The following KMT2C variants were observed in gnomAD, a reference collection of about 807,000 sequenced individuals.
The protein encoded by KMT2C is lysine methyltransferase 2C, also known as histone-lysine N-methyltransferase 2C.
Under a neutral mutation model 507.9 loss-of-function variants are expected in KMT2C, and 88 were observed. That is an observed-to-expected ratio of 0.17 (90% confidence interval 0.15 to 0.21). The LOEUF is 0.21. Among genes scored for constraint, KMT2C ranks in the 10% least tolerant of loss-of-function variants. The pLI is 1.00. For missense variants in KMT2C, 4,954 were observed against 5,957.8 expected, an observed-to-expected ratio of 0.83 and a Z score of 5.55; for synonymous variants, 2,049 against 2,080.8, an observed-to-expected ratio of 0.98 and a Z score of 0.42.
chr7:152,379,858 G>A (rs1353020649), intron 1 of KMT2C, among the ~76,000 whole-genome samples: 1 of 152,310 alleles, frequency 6.6e-6, no homozygotes, highest in Non-Finnish European at 1.5e-5. Flanking sequence ...CACTTTAGGA[G>A]GCTGTAATGG....
In KMT2C at chr7:152,154,020, G is replaced by A. The variant is rs1470835588; in HGVS notation, c.12266C>T (p.Thr4089Ile). 4 of 1,613,760 alleles carry A rather than the reference G, an allele frequency of 2.5e-6. No homozygotes were observed. Among genetic ancestry groups the A allele is most frequent in the Non-Finnish European group, 3.4e-6 (4 of 1,179,868 alleles). ...LISVAITLHP[T>I]AAENISSVVA... is the part of the protein sequence containing the mutation. ...CATTTAATCTTTTACCTCAGCAGCTGTAGGATGCAGAGTAATTGCTACAGA... is the reference window on the plus strand; with the variant it reads ...CATTTAATCTTTTACCTCAGCAGCTATAGGATGCAGAGTAATTGCTACAGA... Residue 4089 changes from threonine to isoleucine, a missense_variant, in exon 48 of 59, where the codon ACA becomes ATA. Thr to Ile is a moderately conservative substitution (Grantham distance 89). Coordinates refer to ENST00000262189, the MANE Select transcript of KMT2C (RefSeq NM_170606.3).
At chr7:152,270,769 C>G (rs900254842) in intron 7 of KMT2C, among the ~76,000 whole-genome samples, 7 of 152,128 alleles carry the variant, frequency 4.6e-5, no homozygotes, top group Non-Finnish European at 8.8e-5. Flanking sequence ...GTTAATGTAT[C>G]CTTGTATCAT....
At chr7:152,282,845 A>ATT (rs929867658) in intron 6 of KMT2C, among the ~76,000 whole-genome samples, 7 of 152,028 alleles carry the variant, frequency 4.6e-5, no homozygotes, top group African/African-American at 7.2e-5. Flanking sequence ...TTTATATATA[A>ATT]TTCTTCAACA....
At chr7:152,356,897 G>GAATAAT (rs55935930) in intron 2 of KMT2C, among the ~76,000 whole-genome samples, 14,026 of 138,140 alleles carry the variant, frequency 0.1, 731 homozygotes, top group African/African-American at 0.12. Flanking sequence ...AACTCAAAAA[G>GAATAAT]AATAATAATA....
intron 50 of KMT2C, 120 bp from the exon 51 acceptor site, chr7:152,151,127 G>A (rs2091584941): frequency 1.5e-6 from 1 of 662,946 alleles, no homozygotes; most frequent in South Asian, 2.1e-5. Flanking sequence ...CTTAATAGTA[G>A]AAAGGAAACT....
In KMT2C at chr7:152,240,600, A is replaced by G. The variant is rs375455091; in HGVS notation, c.2533-1774T>C. On this transcript the variant is annotated intron_variant, in intron 14 of 58. Transcript: ENST00000262189. ...CTTAGCATTTCCATTTTCTCACACA[A>G]AACCCCTCTTAAGTTTGCCATGTTT... Among the ~76,000 whole-genome samples, 309 of 152,398 alleles carry G rather than the reference A, an allele frequency of 2.0e-3. No individual in the cohort carries two copies. In the East Asian group the frequency reaches 0.051, roughly 25 times the overall value.
intron 2 of KMT2C, 118 bp downstream of exon 2, chr7:152,358,469 G>C (rs866358271): frequency 1.7e-5 from 10 of 600,350 alleles, no homozygotes; most frequent in Middle Eastern, 2.9e-4. Context: ...GGGAAACTTA[G>C]AGTTCAGTAT....
chr7:152,173,296 A>C (rs2093048157), intron 39 of KMT2C, among the ~76,000 whole-genome samples: 1 of 152,180 alleles, frequency 6.6e-6, no homozygotes, highest in Admixed American at 6.5e-5. Flanking sequence ...TTTATATAAA[A>C]GTTTTTCAAC....
chr7:152,385,611 C>CAAAAAAAAAAAAAAAAA (rs1160527130), intron 1 of KMT2C, among the ~76,000 whole-genome samples: 4 of 19,442 alleles, frequency 2.1e-4, no homozygotes, highest in Non-Finnish European at 1.4e-4. Flanking sequence ...GACTCCGTCT[C>CAAAAAAAAAAAAAAAAA]AAAAAAAAAA....
intron 6 of KMT2C, among the ~76,000 whole-genome samples, chr7:152,304,903 G>A (rs1267888906): frequency 6.6e-6 from 1 of 152,054 alleles, no homozygotes; most frequent in East Asian, 1.9e-4. Flanking sequence ...TAGCTATATC[G>A]CCCCTAGGGA....
intron 2 of KMT2C, among the ~76,000 whole-genome samples, chr7:152,339,673 G>A (rs2096972015): frequency 1.3e-5 from 2 of 152,098 alleles, no homozygotes; most frequent in African/African-American, 4.8e-5. Context: ...AAGAACCCCT[G>A]TTCTGTATGT....
intron 18 of KMT2C, among the ~76,000 whole-genome samples, chr7:152,226,704 A>G (rs974875192): frequency 1.3e-5 from 2 of 152,214 alleles, no homozygotes; most frequent in African/African-American, 4.8e-5. Flanking sequence ...TAGCCAGCAA[A>G]CATTTCCAAT....
chr7:152,207,664 G>A (rs1406029806), intron 23 of KMT2C, among the ~76,000 whole-genome samples: 1 of 152,082 alleles, frequency 6.6e-6, no homozygotes, highest in Admixed American at 6.5e-5. Flanking sequence ...ACAGAACTCA[G>A]AGTTCTGTTA....
intron 40 of KMT2C, among the ~76,000 whole-genome samples, chr7:152,169,632 T>C (rs1017501150): frequency 2.6e-5 from 4 of 152,206 alleles, no homozygotes; most frequent in Admixed American, 6.5e-5. Flanking sequence ...AAGTTCCAGA[T>C]TGACTAAATG....
intron 50 of KMT2C, among the ~76,000 whole-genome samples, 180 bp from the exon 51 acceptor site, chr7:152,151,187 T>C (rs556230274): frequency 2.0e-5 from 3 of 152,218 alleles, no homozygotes; most frequent in Non-Finnish European, 4.4e-5. Context: ...AAAATACATG[T>C]ATAAAACCAA....
At chr7:152,147,977 A>AT in intron 52 of KMT2C, 56 bp downstream of exon 52, 3 of 1,481,660 alleles carry the variant, frequency 2.0e-6, no homozygotes, top group Middle Eastern at 2.2e-4. Flanking sequence ...AAATACATTC[A>AT]TTAGCCTGAC....
chr7:152,368,223 AACAC>A, intron 1 of KMT2C: 1 of 898,852 alleles, frequency 1.1e-6, no homozygotes, highest in South Asian at 1.3e-5. Context: ...TGCTGATAAA[AACAC>A]ACACTCAGGA....
intron 31 of KMT2C, 24 bp downstream of exon 31, chr7:152,193,985 T>C (rs760982463): frequency 1.3e-6 from 2 of 1,507,060 alleles, no homozygotes; most frequent in Non-Finnish European, 1.8e-6. Context: ...GAATATAATG[T>C]AGAATTATAA....
chr7:152,225,006 A>G (rs1160677415), intron 18 of KMT2C, among the ~76,000 whole-genome samples: 4 of 152,184 alleles, frequency 2.6e-5, no homozygotes, highest in Non-Finnish European at 4.4e-5. Context: ...CTTAGAATCA[A>G]TAGAAAAAAT....
Sources: allele counts gnomAD v4.1 joint callset (sites outside exome capture counted in the v4.1 genomes callset), GRCh38; gene constraint gnomAD v4.1.1; transcripts MANE v1.5; gene names NCBI Gene and HGNC (gene_info 2026-07-23, HGNC 2026-07-21).